SDK2: variants seen among roughly 807,000 people sequenced by gnomAD.
SDK2 encodes protein sidekick-2.
A neutral mutation model predicts 253.9 loss-of-function variants in SDK2; 105 were observed. The ratio of observed to expected loss-of-function variants is 0.41; its 90% CI spans 0.35 to 0.49. The LOEUF is 0.49. Among genes scored for constraint, SDK2 ranks in the 20% least tolerant of loss-of-function variants. The probability of loss-of-function intolerance (pLI) is 0.06; values close to 1 mark genes in which losing one functional copy is unlikely to be tolerated. For missense variants in SDK2, 2,608 were observed against 3,003.0 expected (o/e 0.87, Z 3.07); for synonymous variants, 1,249 against 1,234.9 (o/e 1.01, Z -0.24).
At chr17:73,600,506 C>T (rs1207113387) in intron 1 of SDK2, among the ~76,000 whole-genome samples, 2 of 152,116 alleles carry the variant, frequency 1.3e-5, no homozygotes, top group Non-Finnish European at 2.9e-5. Context: ...CCTAGGGGGA[C>T]ACCCAGGGCT....
At chr17:73,439,393 G>A (rs1287684787) in intron 6 of SDK2, among the ~76,000 whole-genome samples, 1 of 152,184 alleles carries the variant, frequency 6.6e-6, no homozygotes, top group Non-Finnish European at 1.5e-5. Flanking sequence ...GATGGGAGGA[G>A]CATACTTTTA....
intron 5 of SDK2, among the ~76,000 whole-genome samples, chr17:73,445,941 G>A (rs918845080): frequency 2.0e-5 from 3 of 152,176 alleles, no homozygotes; most frequent in African/African-American, 7.2e-5. Context: ...CCACCTCCCT[G>A]GGGCCAGCTG....
At chr17:73,600,443 G>A (rs372005556) in intron 1 of SDK2, among the ~76,000 whole-genome samples, 12 of 152,044 alleles carry the variant, frequency 7.9e-5, no homozygotes, top group African/African-American at 1.9e-4. Context: ...TGGGGGAGGC[G>A]GGGTGTGGAG....
intron 24 of SDK2, among the ~76,000 whole-genome samples, chr17:73,396,871 C>G (rs1486405361): frequency 1.3e-5 from 2 of 152,214 alleles, no homozygotes; most frequent in African/African-American, 4.8e-5. Context: ...GCACGGGGCA[C>G]TGAGGTGGGC....
rs8071109 is a variant in SDK2 at position 73,557,871 on chromosome 17, C to G, written c.65-50274G>C. Among the ~76,000 whole-genome samples, 94 of 152,162 alleles carry G rather than the reference C, an allele frequency of 6.2e-4. 1 individual carries two copies. In the East Asian group the frequency reaches 0.017, roughly 28 times the overall value. On this transcript the variant is annotated intron_variant, in intron 1 of 44. Transcript: ENST00000392650. ...CCTCAGTAAGGTCTGCCTGCAGCCT[C>G]TACCAGGTAGTGATACGATGGGCAC...
At position 73,383,757 on chromosome 17, in the gene SDK2, G is replaced by C; in HGVS notation, c.4705+119C>G. ...ATGGGAGGAGGGAGAGGCACACATG[G>C]AGGAGGGAGGCAAGGTTTCAGGTTA... On this transcript the variant is annotated intron_variant, in intron 33 of 44. Transcript: ENST00000392650. The surrounding 1 kb of genome is among the most constrained non-coding windows in gnomAD (Gnocchi z 4.3). The C allele has an allele frequency of 8.2e-7, 1 of 1,224,596 alleles. No individual in the cohort carries two copies. Among genetic ancestry groups the C allele is most frequent in the Non-Finnish European group, 1.2e-6 (1 of 858,816 alleles). The allele number at this position is 1,224,596 out of a possible 1,614,324, so 75.9% of individuals were successfully genotyped here. A position where few individuals can be genotyped will look rare whatever the true frequency, so the allele number is the denominator to read the frequency against.
chr17:73,419,918 C>A (rs561844021), intron 15 of SDK2, among the ~76,000 whole-genome samples: 1 of 151,678 alleles, frequency 6.6e-6, no homozygotes, highest in African/African-American at 2.4e-5. Context: ...TTTTTGGTGC[C>A]GTTGAGGGAT....
At chr17:73,396,374 G>A (rs2062971033) in intron 24 of SDK2, among the ~76,000 whole-genome samples, 1 of 152,136 alleles carries the variant, frequency 6.6e-6, no homozygotes, top group African/African-American at 2.4e-5. Flanking sequence ...CAGAGCTGGG[G>A]TGGGGGCATC....
At chr17:73,453,781 C>A (rs1313611265) in intron 4 of SDK2, among the ~76,000 whole-genome samples, 1 of 152,108 alleles carries the variant, frequency 6.6e-6, no homozygotes, top group Non-Finnish European at 1.5e-5. Flanking sequence ...ACCTGGGGAG[C>A]TTTTAAAATT....
chr17:73,387,979 G>T lies in SDK2; in HGVS notation c.4251C>A (p.Ser1417Arg). 6.4e-7 allele frequency: 1 copy of T among 1,570,944 alleles called. No homozygotes were observed. Among genetic ancestry groups the T allele is most frequent in the Non-Finnish European group, 8.6e-7 (1 of 1,158,808 alleles). The change falls in exon 30 of 45, where the codon AGC (serine) becomes AGA (arginine). Residue 1417 changes from serine to arginine, a missense_variant. Transcript: ENST00000392650. ...TCCCTGGCTCCCAGGACAGCAGCAC[G>T]CTGCGTGCTCTCACATCCTCCTGCT... The part of the protein sequence containing the change: ...MVQQEDVRAR[S>R]VLLSWEPGSD...
chr17:73,363,674 T>C (rs1290859606), intron 38 of SDK2, among the ~76,000 whole-genome samples: 1 of 152,100 alleles, frequency 6.6e-6, no homozygotes, highest in African/African-American at 2.4e-5. Context: ...TGGGAATGTG[T>C]AGGGGTGTGG....
rs1352707917 is a variant in SDK2, at chr17:73,483,069, G to A, written c.225-10851C>T. Among the ~76,000 whole-genome samples the A allele has an allele frequency of 9.9e-5, 15 of 152,124 alleles. No homozygotes were observed. In the East Asian group the frequency reaches 2.1e-3, roughly 22 times the overall value. On this transcript the variant is annotated intron_variant, in intron 2 of 44. Transcript: ENST00000392650. ...CTTTCAGGCCCATGTGACCCCATCC[G>A]TGCTCCTGCCCTATACCTGCCCGCC... is the stretch of plus-strand genomic sequence containing the variant.
intron 1 of SDK2, among the ~76,000 whole-genome samples, chr17:73,557,826 T>C (rs1472490889): frequency 1.3e-5 from 2 of 152,200 alleles, no homozygotes; most frequent in South Asian, 2.1e-4. Context: ...CCTTAAACTC[T>C]GTGAGTCCAG....
chr17:73,442,633 G>C (rs1317093347), intron 5 of SDK2, among the ~76,000 whole-genome samples: 1 of 152,084 alleles, frequency 6.6e-6, no homozygotes, highest in East Asian at 1.9e-4. Flanking sequence ...GAGCCACCAC[G>C]CCTGGCCAAC....
intron 27 of SDK2, 112 bp downstream of exon 27, chr17:73,393,448 G>C: frequency 1.0e-6 from 1 of 978,134 alleles, no homozygotes; most frequent in African/African-American, 1.6e-5. Flanking sequence ...AGGCATCTGA[G>C]GCCATGGCTC....
intron 36 of SDK2, among the ~76,000 whole-genome samples, chr17:73,371,096 C>A (rs2145443642): frequency 6.6e-6 from 1 of 152,238 alleles, no homozygotes; most frequent in Admixed American, 6.5e-5. Flanking sequence ...AAAGCAGATT[C>A]TTCTCATATG....
At chr17:73,551,437 G>A (rs1471692683) in intron 1 of SDK2, among the ~76,000 whole-genome samples, 1 of 152,188 alleles carries the variant, frequency 6.6e-6, no homozygotes, top group East Asian at 1.9e-4. Context: ...CAGGAGCCTC[G>A]CAGCTCCTGC....
intron 36 of SDK2, among the ~76,000 whole-genome samples, chr17:73,374,504 G>C (rs1031729562): frequency 7.1e-6 from 1 of 140,380 alleles, no homozygotes; most frequent in African/African-American, 2.9e-5. Flanking sequence ...GTCTCGCTCT[G>C]TTGCCCAGGC....
intron 1 of SDK2, among the ~76,000 whole-genome samples, chr17:73,587,012 G>A (rs950062505): frequency 3.3e-5 from 5 of 152,174 alleles, no homozygotes; most frequent in African/African-American, 7.2e-5. Context: ...TTTGAAGTGC[G>A]AATGGGATTA....
Sources: allele counts gnomAD v4.1 joint callset (sites outside exome capture counted in the v4.1 genomes callset), GRCh38; gene constraint gnomAD v4.1.1; non-coding constraint Gnocchi (gnomAD v3.1); transcripts MANE v1.5; gene names NCBI Gene and HGNC (gene_info 2026-07-23, HGNC 2026-07-21).